PCDH9: variants seen among roughly 807,000 people sequenced by gnomAD.
The protein encoded by PCDH9 is protocadherin 9.
Under a neutral mutation model 70.6 loss-of-function variants are expected in PCDH9, and 24 were observed. That is an observed-to-expected ratio of 0.34 (90% CI 0.25 to 0.48). PCDH9 has a LOEUF of 0.48. Among genes scored for constraint, PCDH9 ranks in the 20% least tolerant of loss-of-function variants. The pLI is 0.99. For synonymous variants in PCDH9, 562 were observed against 558.5 expected (o/e 1.01, Z -0.09); for missense variants, 1,281 against 1,503.6 (o/e 0.85, Z 2.45).
chr13:66,857,744 G>A (rs2139471511), intron 3 of PCDH9, among the ~76,000 whole-genome samples: 1 of 152,032 alleles, frequency 6.6e-6, no homozygotes. Context: ...TTATTTGACA[G>A]GGAAATGAAA....
At chr13:66,404,349 A>G (rs1957243222) in intron 4 of PCDH9, among the ~76,000 whole-genome samples, 1 of 152,192 alleles carries the variant, frequency 6.6e-6, no homozygotes, top group African/African-American at 2.4e-5. Context: ...GCAGAGGCCA[A>G]CATTTCCAAG....
intron 2 of PCDH9, among the ~76,000 whole-genome samples, chr13:67,082,451 T>TTG (rs2086004954): frequency 6.6e-6 from 1 of 152,204 alleles, no homozygotes; most frequent in African/African-American, 2.4e-5. Context: ...TAATATGCCA[T>TTG]TGTATGTAAG....
chr13:66,856,821 G>A (rs9599160), intron 3 of PCDH9, among the ~76,000 whole-genome samples: 323 of 152,048 alleles, frequency 2.1e-3, no homozygotes, highest in Non-Finnish European at 4.0e-3. Context: ...ATACTTATGT[G>A]CTTTCACCAA....
At chr13:67,133,880 A>G (rs1310631646) in intron 2 of PCDH9, among the ~76,000 whole-genome samples, 1 of 152,138 alleles carries the variant, frequency 6.6e-6, no homozygotes, top group African/African-American at 2.4e-5. Flanking sequence ...TAAGAAATCC[A>G]CGGTGAGGCT....
intron 2 of PCDH9, chr13:66,991,006 A>T (rs1371631237): frequency 2.0e-5 from 3 of 151,976 alleles, no homozygotes; most frequent in Non-Finnish European, 4.4e-5. Context: ...CAGAAGGCTC[A>T]TCTGAATATA....
chr13:67,052,862 T>C (rs2085348974), intron 2 of PCDH9, among the ~76,000 whole-genome samples: 3 of 152,178 alleles, frequency 2.0e-5, no homozygotes, highest in Admixed American at 2.0e-4. Context: ...TAAGATAAGC[T>C]ACACAGGCAG....
chr13:66,902,533 G>A (rs1348112569), intron 3 of PCDH9, among the ~76,000 whole-genome samples: 1 of 150,892 alleles, frequency 6.6e-6, no homozygotes, highest in Non-Finnish European at 1.5e-5. Context: ...GGGAATGGAG[G>A]GGACCTACGT....
chr13:66,529,708 T>C (rs1960364798), intron 4 of PCDH9, among the ~76,000 whole-genome samples: 1 of 152,030 alleles, frequency 6.6e-6, no homozygotes, highest in African/African-American at 2.4e-5. Context: ...TTTTGCCTCT[T>C]GCTTCTTATA....
intron 4 of PCDH9, among the ~76,000 whole-genome samples, chr13:66,556,299 C>A (rs562242957): frequency 1.6e-4 from 25 of 152,048 alleles, no homozygotes; most frequent in African/African-American, 5.8e-4. Flanking sequence ...TTGTTTCTCC[C>A]AGAGCATGAG....
chr13:66,625,123 G>A (rs1393013903), intron 4 of PCDH9, among the ~76,000 whole-genome samples: 1 of 151,636 alleles, frequency 6.6e-6, no homozygotes, highest in African/African-American at 2.4e-5. Context: ...CTTCATAATC[G>A]ATCACTATCA....
chr13:67,127,631 C>T (rs1052746235), intron 2 of PCDH9, among the ~76,000 whole-genome samples: 1 of 151,046 alleles, frequency 6.6e-6, no homozygotes, highest in Non-Finnish European at 1.5e-5. Flanking sequence ...TCTCTGAAGT[C>T]AGCTCTCCTA....
intron 2 of PCDH9, among the ~76,000 whole-genome samples, chr13:67,149,390 G>A (rs2087603149): frequency 6.6e-6 from 1 of 152,008 alleles, no homozygotes; most frequent in South Asian, 2.1e-4. Flanking sequence ...TATAGTCATA[G>A]TACCTACTTT....
At chr13:66,599,091 C>T (rs1448140404) in intron 4 of PCDH9, among the ~76,000 whole-genome samples, 1 of 151,558 alleles carries the variant, frequency 6.6e-6, no homozygotes, top group Non-Finnish European at 1.5e-5. Context: ...GCTTTATGAA[C>T]ATTTAGAAAT....
intron 2 of PCDH9, among the ~76,000 whole-genome samples, chr13:66,917,638 A>T (rs1259331716): frequency 6.6e-6 from 1 of 151,470 alleles, no homozygotes; most frequent in East Asian, 1.9e-4. Context: ...AGAATCAGAT[A>T]CAAATAGAAC....
intron 3 of PCDH9, among the ~76,000 whole-genome samples, chr13:66,822,914 C>T (rs1208742512): frequency 4.6e-5 from 7 of 151,674 alleles, no homozygotes; most frequent in Non-Finnish European, 7.4e-5. Flanking sequence ...GATAAATATG[C>T]GGTATCACAT....
intron 4 of PCDH9, among the ~76,000 whole-genome samples, chr13:66,452,472 A>G (rs1263355484): frequency 3.3e-5 from 5 of 152,084 alleles, no homozygotes; most frequent in Admixed American, 1.3e-4. Flanking sequence ...CCCCATTTAT[A>G]ATATTTATAT....
At chr13:67,182,059 C>A (rs1328925167) in intron 2 of PCDH9, among the ~76,000 whole-genome samples, 1 of 152,160 alleles carries the variant, frequency 6.6e-6, no homozygotes, top group Non-Finnish European at 1.5e-5. Context: ...TGGATCTCTT[C>A]TTTCACTTGT....
At position 66,598,548 on chromosome 13, in the gene PCDH9, G is replaced by A. The variant is rs180726211; in HGVS notation, c.3340+32662C>T. On this transcript the variant is annotated intron_variant, in intron 4 of 4. Transcript: ENST00000377865. ...TAAGTGTTTTAGGGCCTTGATTTAT[G>A]CAACAAGTTTAGTTTAATAAAGAGC... Among the ~76,000 whole-genome samples the A allele has an allele frequency of 1.1e-3, 165 of 151,830 alleles. 1 individual carries two copies. The highest frequency in any genetic ancestry group is 9.1e-4 in the Non-Finnish European group (62 of 67,818).
At chr13:67,057,701 T>C (rs1389674700) in intron 2 of PCDH9, among the ~76,000 whole-genome samples, 1 of 152,056 alleles carries the variant, frequency 6.6e-6, no homozygotes, top group Non-Finnish European at 1.5e-5. Flanking sequence ...TGTGACCCAA[T>C]TATTGAATGA....
Sources: gnomAD v4.1 joint callset for allele counts (sites outside exome capture counted in the v4.1 genomes callset) on GRCh38, gnomAD v4.1.1 for gene constraint, MANE v1.5 for transcripts, NCBI Gene and HGNC (gene_info 2026-07-23, HGNC 2026-07-21) for gene names.